Variants in NAT1 observed in about 807,000 individuals in gnomAD.
NAT1 encodes the protein arylamine N-acetyltransferase 1.
For synonymous variants in NAT1, 144 were observed against 122.6 expected, an observed-to-expected ratio of 1.17 and a Z score of -1.16; for missense variants, 400 against 339.2, an observed-to-expected ratio of 1.18 and a Z score of -1.41.
At chr8:18,183,982 T>C (rs1412148679) in intron 2 of NAT1, among the ~76,000 whole-genome samples, 1 of 152,172 alleles carries the variant, frequency 6.6e-6, no homozygotes, top group Non-Finnish European at 1.5e-5. Flanking sequence ...CTCATGCCTG[T>C]GCTCTCCCAG....
At chr8:18,206,063 G>A (rs560771170), upstream of NAT1, among the ~76,000 whole-genome samples, 35 of 152,298 alleles carry the variant, frequency 2.3e-4, no homozygotes, top group South Asian at 1.4e-3. Context: ...GCTCCACATC[G>A]GCTGGTTTGC....
At chr8:18,173,977 C>G (rs1165654748) in intron 2 of NAT1, among the ~76,000 whole-genome samples, 3 of 152,046 alleles carry the variant, frequency 2.0e-5, no homozygotes, top group Admixed American at 2.0e-4. Flanking sequence ...TATCTCAAGA[C>G]AGTCTATTGA....
chr8:18,221,739 ATC>A (rs556270500), intron 2 of NAT1: 41 of 256,436 alleles, frequency 1.6e-4, no homozygotes, highest in Non-Finnish European at 2.8e-4. Context: ...ACCAGTTGGA[ATC>A]TCTCTTTTAT....
chr8:18,193,506 A>AAT lies in NAT1; in HGVS notation n.93-16260_93-16259dup, dbSNP rs373866185. Among the ~76,000 whole-genome samples, 1,080 of 132,434 alleles carry AAT rather than the reference A, an allele frequency of 8.2e-3. 18 individuals are homozygous for AAT. The highest frequency in any genetic ancestry group is 0.075 in the East Asian group (376 of 5,012). The allele number at this position is 132,434 out of a possible 152,430, so 86.9% of individuals were successfully genotyped here. A position where few individuals can be genotyped will look rare whatever the true frequency, so the allele number is the denominator to read the frequency against. On this transcript the variant is annotated intron_variant and non_coding_transcript_variant, in intron 2 of 4. Transcript: ENST00000517441. ...TATATAATCTGATATATATATATAT[A>AAT]ATATATATATATATATCACATACTT... is the stretch of plus-strand genomic sequence containing the variant.
intron 2 of NAT1, among the ~76,000 whole-genome samples, chr8:18,172,264 A>G (rs1802124675): frequency 6.6e-6 from 1 of 152,158 alleles, no homozygotes; most frequent in African/African-American, 2.4e-5. Context: ...AGAAACTTTT[A>G]AGCTCCACAT....
intron 2 of NAT1, among the ~76,000 whole-genome samples, chr8:18,198,165 CA>C (rs56736318): frequency 0.76 from 115,706 of 151,652 alleles, 44,751 homozygotes; most frequent in African/African-American, 0.9. Context: ...CCAATCTAGG[CA>C]AAAAAAAATC....
intron 1 of NAT1, among the ~76,000 whole-genome samples, chr8:18,212,025 T>C (rs946327009): frequency 1.3e-5 from 2 of 152,200 alleles, no homozygotes; most frequent in African/African-American, 4.8e-5. Context: ...AAACTGCTTT[T>C]AATTCTTCTA....
chr8:18,200,006 A>G (rs112271281), intron 2 of NAT1, among the ~76,000 whole-genome samples: 145 of 152,354 alleles, frequency 9.5e-4, no homozygotes, highest in African/African-American at 3.3e-3. Context: ...TAAAATGTCA[A>G]AAAGTAACAG....
upstream of NAT1, chr8:18,209,919 G>A (rs1803913616): frequency 1.3e-5 from 2 of 152,148 alleles, no homozygotes; most frequent in African/African-American, 4.8e-5. Flanking sequence ...GTGGCATGGG[G>A]ATAATCGGAC....
intron 2 of NAT1, among the ~76,000 whole-genome samples, chr8:18,197,328 T>C (rs774378622): frequency 5.9e-5 from 9 of 152,234 alleles, no homozygotes; most frequent in Admixed American, 1.3e-4. Context: ...ACTAAACTCA[T>C]TGAAGTACAT....
intron 1 of NAT1, 40 bp downstream of exon 1, chr8:18,210,220 A>C (rs1392656052): frequency 6.6e-6 from 1 of 152,166 alleles, no homozygotes; most frequent in Non-Finnish European, 1.5e-5. Context: ...ATTGGGGTTT[A>C]ATCCTATCTC....
intron 2 of NAT1, among the ~76,000 whole-genome samples, chr8:18,189,511 T>A (rs1174456561): frequency 2.0e-5 from 3 of 152,182 alleles, no homozygotes; most frequent in African/African-American, 7.2e-5. Context: ...TGATCAAATA[T>A]TCACTACTAG....
intron 2 of NAT1, among the ~76,000 whole-genome samples, chr8:18,183,990 CA>C (rs762984993): frequency 1.6e-4 from 25 of 152,138 alleles, no homozygotes; most frequent in Non-Finnish European, 1.3e-4. Flanking sequence ...TGTGCTCTCC[CA>C]GGCTGGCAGT....
intron 1 of NAT1, chr8:18,216,889 G>C (rs1319078542): frequency 6.5e-7 from 1 of 1,548,556 alleles, no homozygotes; most frequent in East Asian, 2.4e-5. Flanking sequence ...GTGTACAGAA[G>C]GGCCATGCTG....
intron 1 of NAT1, among the ~76,000 whole-genome samples, chr8:18,215,925 T>C (rs1428651817): frequency 6.6e-6 from 1 of 152,150 alleles, no homozygotes; most frequent in Non-Finnish European, 1.5e-5. Context: ...GGGAGACAGG[T>C]CTATGCCTTT....
intron 1 of NAT1, among the ~76,000 whole-genome samples, chr8:18,210,853 C>T (rs1157452334): frequency 1.3e-5 from 2 of 152,222 alleles, no homozygotes; most frequent in Non-Finnish European, 2.9e-5. Flanking sequence ...CAGCTTAGTG[C>T]ATCCTCCTCC....
intron 2 of NAT1, among the ~76,000 whole-genome samples, chr8:18,181,197 C>T (rs1249465119): frequency 6.6e-6 from 1 of 151,630 alleles, no homozygotes; most frequent in Admixed American, 6.6e-5. Context: ...TTATATTTTC[C>T]TTGTGGAGAT....
At chr8:18,216,282 T>G (rs1486154485) in intron 1 of NAT1, among the ~76,000 whole-genome samples, 1 of 152,198 alleles carries the variant, frequency 6.6e-6, no homozygotes, top group Non-Finnish European at 1.5e-5. Context: ...GCGCTGATAC[T>G]TGCTGCCCAT....
At chr8:18,197,340 A>G (rs1188345249) in intron 2 of NAT1, among the ~76,000 whole-genome samples, 1 of 152,186 alleles carries the variant, frequency 6.6e-6, no homozygotes, top group Non-Finnish European at 1.5e-5. Context: ...GAAGTACATA[A>G]AGACATCATA....
Sources: allele counts gnomAD v4.1 joint callset (sites outside exome capture counted in the v4.1 genomes callset), GRCh38; gene constraint gnomAD v4.1.1; transcripts MANE v1.5; gene names NCBI Gene and HGNC (gene_info 2026-07-23, HGNC 2026-07-21).